LYRM4: variants seen among roughly 807,000 people sequenced by gnomAD.
LYRM4 encodes the protein LYR motif-containing protein 4.
A neutral mutation model predicts 11.7 loss-of-function variants in LYRM4; 9 were observed. The observed-to-expected ratio is 0.77, with a 90% confidence interval of 0.46 to 1.34. The LOEUF is 1.34. LYRM4 is among the 40% of genes most tolerant of loss of function. The pLI is 0.00. For missense variants in LYRM4, 133 were observed against 112.5 expected (o/e 1.18, Z -0.82); for synonymous variants, 42 against 40.4 (o/e 1.04, Z -0.15).
intron 2 of LYRM4, among the ~76,000 whole-genome samples, chr6:5,115,069 G>A (rs543513921): frequency 1.3e-5 from 2 of 152,246 alleles, no homozygotes; most frequent in African/African-American, 4.8e-5. Flanking sequence ...TTCAGTAACT[G>A]TATAATACTC....
At chr6:5,190,600 A>C (rs1293055392) in intron 2 of LYRM4, among the ~76,000 whole-genome samples, 1 of 152,172 alleles carries the variant, frequency 6.6e-6, no homozygotes. Flanking sequence ...GTGCCACAAA[A>C]TAACAGATCC....
chr6:5,076,649 G>A, the LYRM4 span, among the ~76,000 whole-genome samples: 1 of 152,154 alleles, frequency 6.6e-6, no homozygotes, highest in African/African-American at 2.4e-5. Flanking sequence ...ACCTAAGGAG[G>A]GGTGCTTGGG....
the LYRM4 span, among the ~76,000 whole-genome samples, chr6:5,065,104 G>A: frequency 6.6e-6 from 1 of 151,940 alleles, no homozygotes; most frequent in South Asian, 2.1e-4. Flanking sequence ...GAATGTCATA[G>A]TTAGAATCAT....
chr6:5,224,272 C>A (rs190098484), intron 1 of LYRM4, among the ~76,000 whole-genome samples: 21 of 152,266 alleles, frequency 1.4e-4, no homozygotes, highest in African/African-American at 4.8e-4. Flanking sequence ...TCACAAGAGA[C>A]CACAGAGTGA....
intron 2 of LYRM4, chr6:5,136,984 G>T: frequency 3.0e-6 from 1 of 332,872 alleles, no homozygotes; most frequent in Non-Finnish European, 4.3e-6. Flanking sequence ...CTCATTAGTC[G>T]CCTTTCAAAT....
At chr6:5,107,206 T>G (rs983187261), downstream of LYRM4, 14 of 152,270 alleles carry the variant, frequency 9.2e-5, no homozygotes. Flanking sequence ...AACCCATTCA[T>G]GCAGTTTAAT....
At chr6:5,233,967 A>G (rs1763389178) in intron 1 of LYRM4, among the ~76,000 whole-genome samples, 1 of 152,244 alleles carries the variant, frequency 6.6e-6, no homozygotes, top group African/African-American at 2.4e-5. Flanking sequence ...AAATTCTGTC[A>G]CAATGCAGTT....
chr6:5,095,408 A>C, the LYRM4 span, among the ~76,000 whole-genome samples: 10 of 152,326 alleles, frequency 6.6e-5, no homozygotes, highest in East Asian at 1.9e-3. Context: ...AAGATTCATG[A>C]ACAGAAAAAG....
chr6:5,201,675 A>C (rs1269759867), intron 2 of LYRM4, among the ~76,000 whole-genome samples: 1 of 152,154 alleles, frequency 6.6e-6, no homozygotes, highest in Non-Finnish European at 1.5e-5. Context: ...AAGACGGGGC[A>C]GTCAGGAATC....
chr6:5,116,203 G>A (rs1235936263), intron 2 of LYRM4, among the ~76,000 whole-genome samples: 1 of 152,186 alleles, frequency 6.6e-6, no homozygotes, highest in Non-Finnish European at 1.5e-5. Context: ...ATGAAGACAA[G>A]TGAATAAAAA....
intron 2 of LYRM4, among the ~76,000 whole-genome samples, chr6:5,161,654 C>T (rs376290777): frequency 2.8e-4 from 42 of 152,140 alleles, no homozygotes; most frequent in Non-Finnish European, 5.9e-4. Context: ...TCTGTATTCA[C>T]AATAGCATTT....
the LYRM4 span, among the ~76,000 whole-genome samples, chr6:5,077,933 A>G: frequency 1.2e-4 from 18 of 152,310 alleles, no homozygotes; most frequent in Admixed American, 1.1e-3. Flanking sequence ...CAGTAATCTT[A>G]ACAAATTTTT....
chr6:5,192,800 C>T (rs977711064), intron 2 of LYRM4, among the ~76,000 whole-genome samples: 3 of 152,156 alleles, frequency 2.0e-5, no homozygotes, highest in South Asian at 2.1e-4. Flanking sequence ...CCGAGGCGGG[C>T]GGATCACCTG....
At chr6:5,072,213 A>G in the LYRM4 span, among the ~76,000 whole-genome samples, 1 of 152,054 alleles carries the variant, frequency 6.6e-6, no homozygotes, top group Admixed American at 6.6e-5. Flanking sequence ...CATTTTCTTC[A>G]TCCAGTCTGT....
At chr6:5,100,283 G>A (rs1193067832), downstream of LYRM4, among the ~76,000 whole-genome samples, 1 of 152,184 alleles carries the variant, frequency 6.6e-6, no homozygotes, top group Non-Finnish European at 1.5e-5. Context: ...AGGGCCATGG[G>A]GCCTCTCCAG....
chr6:5,128,755 A>C (rs936195513), intron 2 of LYRM4, among the ~76,000 whole-genome samples: 2 of 152,180 alleles, frequency 1.3e-5, no homozygotes, highest in East Asian at 1.9e-4. Flanking sequence ...ATGAACTACT[A>C]CATGGGGTAT....
chr6:5,108,531 T>G lies in LYRM4; in HGVS notation c.*892A>C. The G allele has an allele frequency of 1.8e-6, 1 of 550,024 alleles. No homozygotes were observed. Among genetic ancestry groups the G allele is most frequent in the Non-Finnish European group, 2.3e-6 (1 of 431,874 alleles). 34.1% of individuals were successfully genotyped at this position (550,024 alleles called of 1,614,324 possible). A position where few individuals can be genotyped will look rare whatever the true frequency, so the allele number is the denominator to read the frequency against. ...GAGCTTCAGAATAGAGAAAAATGAC[T>G]GTGCCTCACCCCTCACTTACTGAGT... On this transcript the variant is annotated 3_prime_UTR_variant, in exon 3 of 3. Coordinates refer to ENST00000330636, the MANE Select transcript of LYRM4 (RefSeq NM_020408.6).
chr6:5,259,992 T>C (rs1764916991), intron 1 of LYRM4, among the ~76,000 whole-genome samples: 1 of 152,136 alleles, frequency 6.6e-6, no homozygotes, highest in Non-Finnish European at 1.5e-5. Flanking sequence ...ATGTGTTATA[T>C]TAAAGATGTG....
chr6:5,104,833 TCTC>T (rs1762613000), downstream of LYRM4: 1 of 152,108 alleles, frequency 6.6e-6, no homozygotes, highest in Non-Finnish European at 1.5e-5. Context: ...TCAGGCCTGG[TCTC>T]CTCATCCAAT....
Sources: gnomAD v4.1 joint callset for allele counts (sites outside exome capture counted in the v4.1 genomes callset) on GRCh38, gnomAD v4.1.1 for gene constraint, MANE v1.5 for transcripts, NCBI Gene and HGNC (gene_info 2026-07-23, HGNC 2026-07-21) for gene names.